The following RNLS variants were observed in gnomAD, a reference collection of about 807,000 sequenced individuals.
RNLS encodes the protein renalase.
A neutral mutation model predicts 39.8 loss-of-function variants in RNLS; 39 were observed. That is an observed-to-expected ratio of 0.98 (90% CI 0.76 to 1.28). The LOEUF (loss-of-function observed/expected upper bound fraction) is 1.28. RNLS is among the 50% of genes most tolerant of loss of function. The pLI is 0.00. For synonymous variants in RNLS, 147 were observed against 150.7 expected (o/e 0.98, Z 0.18); for missense variants, 410 against 413.3 (o/e 0.99, Z 0.07).
chr10:88,284,826 C>A lies in RNLS; in HGVS notation c.*528G>T. ...CTAAGATGATGACATATATGACCTA[C>A]AATTCAGGATCACTTAATAACTTGG... On this transcript the variant is annotated 3_prime_UTR_variant, in exon 7 of 7. Coordinates refer to ENST00000331772, the MANE Select transcript of RNLS (RefSeq NM_001031709.3). 1.0e-6 allele frequency: 1 copy of A among 985,234 alleles called. No homozygotes were observed. The highest frequency in any genetic ancestry group is 1.2e-6 in the Non-Finnish European group (1 of 829,842). The allele number at this position is 985,234 out of a possible 1,614,324, so 61.0% of individuals were successfully genotyped here. A position where few individuals can be genotyped will look rare whatever the true frequency, so the allele number is the denominator to read the frequency against.
At chr10:88,430,517 A>G (rs548569104) in intron 4 of RNLS, among the ~76,000 whole-genome samples, 1 of 151,762 alleles carries the variant, frequency 6.6e-6, no homozygotes, top group Non-Finnish European at 1.5e-5. Flanking sequence ...TAACCCCCCT[A>G]GTTAAATGTT....
chr10:88,241,898 C>G, the RNLS span, among the ~76,000 whole-genome samples: 1 of 151,976 alleles, frequency 6.6e-6, no homozygotes, highest in East Asian at 1.9e-4. Flanking sequence ...TCAAGTTTTC[C>G]TCTTTTCTCT....
chr10:88,425,885 CA>C (rs746126235), intron 4 of RNLS, among the ~76,000 whole-genome samples: 5 of 151,910 alleles, frequency 3.3e-5, no homozygotes, highest in Admixed American at 6.6e-5. Context: ...CAGGAAAACA[CA>C]AAGTGTGTTT....
At chr10:88,355,659 A>G (rs1849106864) in intron 5 of RNLS, among the ~76,000 whole-genome samples, 1 of 151,992 alleles carries the variant, frequency 6.6e-6, no homozygotes, top group South Asian at 2.1e-4. Context: ...CTCGGGGGTC[A>G]GGGGCCCACT....
the RNLS span, among the ~76,000 whole-genome samples, chr10:88,249,398 G>A: frequency 6.6e-6 from 1 of 152,094 alleles, no homozygotes; most frequent in Non-Finnish European, 1.5e-5. Flanking sequence ...TCCATAACCT[G>A]TAATTCTGAT....
chr10:88,497,373 TGAAA>T (rs1845229037), intron 4 of RNLS, among the ~76,000 whole-genome samples: 2 of 152,020 alleles, frequency 1.3e-5, no homozygotes, highest in African/African-American at 4.8e-5. Flanking sequence ...TAGCCCTCAC[TGAAA>T]GATTTATAAT....
intron 4 of RNLS, among the ~76,000 whole-genome samples, chr10:88,457,917 T>A (rs1017802306): frequency 6.6e-6 from 1 of 152,222 alleles, no homozygotes. Context: ...GTGCCAAGCG[T>A]GTCCTACCTT....
At chr10:88,346,749 G>A (rs761885859) in intron 5 of RNLS, among the ~76,000 whole-genome samples, 3 of 152,146 alleles carry the variant, frequency 2.0e-5, no homozygotes, top group East Asian at 3.8e-4. Context: ...CTATTATGCC[G>A]TGATGTTAGT....
At chr10:88,324,858 T>C (rs545125890) in intron 5 of RNLS, among the ~76,000 whole-genome samples, 2 of 152,212 alleles carry the variant, frequency 1.3e-5, no homozygotes, top group African/African-American at 4.8e-5. Context: ...CTGTATTAAT[T>C]TGACTACTCT....
the RNLS span, among the ~76,000 whole-genome samples, chr10:88,253,993 C>T: frequency 5.9e-5 from 9 of 152,306 alleles, no homozygotes; most frequent in East Asian, 1.5e-3. Context: ...AAAACAATTT[C>T]TTTGTGTCCT....
chr10:88,574,762 T>A (rs1850060547), intron 3 of RNLS, among the ~76,000 whole-genome samples: 1 of 152,154 alleles, frequency 6.6e-6, no homozygotes, highest in Non-Finnish European at 1.5e-5. Context: ...CAGTACTCCA[T>A]CTTGCCTGAG....
the RNLS span, among the ~76,000 whole-genome samples, chr10:88,175,644 CT>C: frequency 6.6e-6 from 1 of 152,144 alleles, no homozygotes; most frequent in Admixed American, 6.5e-5. Context: ...CTTATTGAGA[CT>C]TGTTTTGTGG....
chr10:88,438,942 A>T (rs1841559933), intron 4 of RNLS, among the ~76,000 whole-genome samples: 1 of 152,096 alleles, frequency 6.6e-6, no homozygotes, highest in Non-Finnish European at 1.5e-5. Flanking sequence ...CAAGAACAAC[A>T]ACAAGTAACT....
intron 4 of RNLS, among the ~76,000 whole-genome samples, chr10:88,392,225 T>TAAAAG (rs1268146084): frequency 2.0e-5 from 3 of 152,152 alleles, no homozygotes; most frequent in Non-Finnish European, 4.4e-5. Flanking sequence ...ACCAAAAGCT[T>TAAAAG]AAAAGGAGAA....
chr10:88,359,230 C>T (rs935279609), intron 5 of RNLS, among the ~76,000 whole-genome samples: 7 of 151,898 alleles, frequency 4.6e-5, no homozygotes, highest in African/African-American at 1.2e-4. Context: ...GCAGGAGAAT[C>T]GCTTAAGCTC....
intron 4 of RNLS, among the ~76,000 whole-genome samples, chr10:88,468,792 T>C (rs925516240): frequency 6.6e-6 from 1 of 152,146 alleles, no homozygotes; most frequent in Non-Finnish European, 1.5e-5. Context: ...CCGTACTACG[T>C]CCCTTTAGAG....
chr10:88,211,669 A>G, the RNLS span, among the ~76,000 whole-genome samples: 1 of 152,184 alleles, frequency 6.6e-6, no homozygotes, highest in Admixed American at 6.5e-5. Flanking sequence ...AGTTCAAAAT[A>G]GCTGAAAGGT....
chr10:88,306,361 A>G (rs909193077), intron 6 of RNLS, among the ~76,000 whole-genome samples: 2 of 152,104 alleles, frequency 1.3e-5, no homozygotes, highest in African/African-American at 4.8e-5. Context: ...ACACAAAAAA[A>G]CCATTCAAAA....
intron 5 of RNLS, among the ~76,000 whole-genome samples, chr10:88,359,584 G>C (rs1051918151): frequency 1.1e-4 from 16 of 152,176 alleles, no homozygotes; most frequent in African/African-American, 3.4e-4. Flanking sequence ...AAGAAAAGCA[G>C]GTATTTCTTT....
Sources: gnomAD v4.1 joint callset for allele counts (sites outside exome capture counted in the v4.1 genomes callset) on GRCh38, gnomAD v4.1.1 for gene constraint, MANE v1.5 for transcripts, NCBI Gene and HGNC (gene_info 2026-07-23, HGNC 2026-07-21) for gene names.